Variants in TMEM40 observed in about 807,000 individuals in gnomAD.
TMEM40 encodes the protein transmembrane protein 40.
In TMEM40, 34 loss-of-function variants were observed where a neutral mutation model predicts 40.8. The ratio of observed to expected loss-of-function variants is 0.83; its 90% CI spans 0.63 to 1.11. The LOEUF is 1.11. Among genes scored for constraint, TMEM40 ranks in the 50% least tolerant of loss-of-function variants. The pLI is 0.00. For synonymous variants in TMEM40, 106 were observed against 107.0 expected (o/e 0.99, Z 0.06); for missense variants, 296 against 280.2 (o/e 1.06, Z -0.40).
intron 5 of TMEM40, among the ~76,000 whole-genome samples, chr3:12,740,622 C>T (rs1365599465): frequency 4.0e-5 from 6 of 151,300 alleles, no homozygotes; most frequent in African/African-American, 1.5e-4. Flanking sequence ...CTTTGGAAGG[C>T]CGAGGTGGGT....
chr3:12,767,293 C>G (rs2061598418), intron 1 of TMEM40, among the ~76,000 whole-genome samples: 1 of 151,840 alleles, frequency 6.6e-6, no homozygotes, highest in Admixed American at 6.6e-5. Flanking sequence ...TTCAATGGGT[C>G]AGAGGAATAA....
At chr3:12,761,413 T>A (rs2061567645), upstream of TMEM40, among the ~76,000 whole-genome samples, 1 of 152,158 alleles carries the variant, frequency 6.6e-6, no homozygotes, top group Non-Finnish European at 1.5e-5. Flanking sequence ...AAGACCGGCC[T>A]GGCCAACATG....
chr3:12,769,328 A>G (rs1198769042), exon 1 of TMEM40: 2 of 320,286 alleles, frequency 6.2e-6, no homozygotes, highest in Non-Finnish European at 1.3e-5. Context: ...AGCGGGCTGA[A>G]GGGCTCCTCA....
In TMEM40 at chr3:12,749,805, G is replaced by T. The variant is rs1306714694; in HGVS notation, c.28C>A (p.Pro10Thr). 2 of 1,614,056 alleles carry T rather than the reference G, an allele frequency of 1.2e-6. No homozygotes were observed. Among genetic ancestry groups the T allele is most frequent in the South Asian group, 2.2e-5 (2 of 91,062 alleles). The change falls in exon 2 of 12, where the codon CCT becomes ACT. Residue 10 changes from proline to threonine, a missense_variant. Pro to Thr is a conservative substitution (Grantham distance 38, BLOSUM62 -1). Transcript: ENST00000314124. Reference sequence around the variant, plus strand: ...CTGTGGACTTGACTGTTGTCCTGAGGCTGGGAGGAGGATGCTGAAGTCTCC... The same window carrying T: ...CTGTGGACTTGACTGTTGTCCTGAGTCTGGGAGGAGGATGCTGAAGTCTCC... METSASSSQ[P>T]QDNSQVHRET...
At chr3:12,744,721 T>C (rs76677329) in intron 3 of TMEM40, among the ~76,000 whole-genome samples, 5,782 of 152,224 alleles carry the variant, frequency 0.038, 366 homozygotes, top group African/African-American at 0.13. Context: ...GGTCTAGGAG[T>C]TTCTGGCTCC....
chr3:12,740,100 T>C (rs1414704958), intron 5 of TMEM40, among the ~76,000 whole-genome samples: 1 of 147,674 alleles, frequency 6.8e-6, no homozygotes, highest in Non-Finnish European at 1.5e-5. Flanking sequence ...TATTTATTTA[T>C]TTATTTATTT....
intron 1 of TMEM40, among the ~76,000 whole-genome samples, chr3:12,766,631 T>C (rs1244441334): frequency 6.6e-6 from 1 of 151,550 alleles, no homozygotes; most frequent in East Asian, 1.9e-4. Context: ...ATATAGCAGA[T>C]AGTAACCTTT....
At position 12,749,774 on chromosome 3, in the gene TMEM40, G is replaced by C; in HGVS notation, c.59C>G (p.Thr20Arg). 1.2e-6 allele frequency: 2 copies of C among 1,614,088 alleles called. No individual in the cohort carries two copies. The highest frequency in any genetic ancestry group is 2.2e-5 in the South Asian group (2 of 91,078). Residue 20 changes from threonine (T) to arginine (R), a missense_variant, in exon 2 of 12, where the codon ACA (threonine) becomes AGA (arginine). By Grantham distance (71) the Thr-to-Arg change is moderately conservative (BLOSUM62 -1). Coordinates refer to ENST00000314124, the MANE Select transcript of TMEM40 (RefSeq NM_018306.4). ...GGCAAACGTACAGTCTACATCTTCTGTTTCTCTGTGGACTTGACTGTTGTC... is the reference window on the plus strand; with the variant it reads ...GGCAAACGTACAGTCTACATCTTCTCTTTCTCTGTGGACTTGACTGTTGTC... ...PQDNSQVHRE[T>R]EDVDYGETDF...
At chr3:12,743,860 G>A (rs995108598) in intron 4 of TMEM40, 40 bp downstream of exon 4, 2 of 1,585,844 alleles carry the variant, frequency 1.3e-6, no homozygotes, top group South Asian at 2.2e-5. Flanking sequence ...TCAACGGTGA[G>A]CGAGTGGGCA....
intron 2 of TMEM40, among the ~76,000 whole-genome samples, chr3:12,749,144 C>T (rs1297540998): frequency 6.6e-6 from 1 of 152,092 alleles, no homozygotes; most frequent in Non-Finnish European, 1.5e-5. Context: ...CCTGCCTCAG[C>T]CTCCTGAGTA....
intron 5 of TMEM40, among the ~76,000 whole-genome samples, 163 bp downstream of exon 5, chr3:12,742,291 C>A (rs1254000445): frequency 6.6e-6 from 1 of 152,116 alleles, no homozygotes; most frequent in Non-Finnish European, 1.5e-5. Flanking sequence ...TCATGCCCGC[C>A]TCCCCACCTG....
rs1375742488 is a variant in TMEM40 at position 12,749,852 on chromosome 3, A to G, written c.-8-12T>C. On this transcript the variant is annotated splice_polypyrimidine_tract_variant and intron_variant, in intron 1 of 11. Coordinates refer to ENST00000314124, the MANE Select transcript of TMEM40 (RefSeq NM_018306.4). ...CTCCATGGCTTTTCCTGGAGGAATA[A>G]CAATAATCAGTAGTTAATATCACCT... The G allele has an allele frequency of 1.9e-6, 3 of 1,611,784 alleles. No homozygotes were observed. Among genetic ancestry groups the G allele is most frequent in the Non-Finnish European group, 2.5e-6 (3 of 1,178,768 alleles).
intron 5 of TMEM40, among the ~76,000 whole-genome samples, chr3:12,741,792 GGAAAGAAA>G (rs966899605): frequency 3.1e-4 from 47 of 150,506 alleles, no homozygotes; most frequent in Admixed American, 1.3e-3. Context: ...AAAGAAAGAA[GGAAAGAAA>G]GAAAGAAAGA....
At chr3:12,756,778 C>CCTTTCT (rs2061531377) in intron 1 of TMEM40, among the ~76,000 whole-genome samples, 1 of 150,432 alleles carries the variant, frequency 6.6e-6, no homozygotes, top group Non-Finnish European at 1.5e-5. Flanking sequence ...TACCCACCTC[C>CCTTTCT]CTCTCTCTCT....
chr3:12,751,346 A>G (rs2061474276), intron 1 of TMEM40, among the ~76,000 whole-genome samples: 1 of 149,794 alleles, frequency 6.7e-6, no homozygotes. Flanking sequence ...CAGTGGCATG[A>G]TCTCAGCTCA....
upstream of TMEM40, among the ~76,000 whole-genome samples, chr3:12,762,854 G>T (rs2061578470): frequency 6.6e-6 from 1 of 152,176 alleles, no homozygotes; most frequent in East Asian, 1.9e-4. Flanking sequence ...ACTGGGTGAT[G>T]TTTCCTGCCA....
chr3:12,745,946 G>A (rs1348455019), intron 3 of TMEM40, among the ~76,000 whole-genome samples: 1 of 149,814 alleles, frequency 6.7e-6, no homozygotes, highest in Non-Finnish European at 1.5e-5. Flanking sequence ...CACCCAGGTT[G>A]GAGTGCAGCG....
At chr3:12,746,442 C>T (rs569344520) in intron 3 of TMEM40, among the ~76,000 whole-genome samples, 10 of 152,070 alleles carry the variant, frequency 6.6e-5, no homozygotes, top group Non-Finnish European at 1.3e-4. Flanking sequence ...CTACAGTGTA[C>T]CTGTGTGTAA....
At chr3:12,741,977 A>C (rs2061386676) in intron 5 of TMEM40, among the ~76,000 whole-genome samples, 1 of 152,162 alleles carries the variant, frequency 6.6e-6, no homozygotes, top group South Asian at 2.1e-4. Context: ...CACGCCTGTA[A>C]TCCCAGCACT....
Sources: allele counts gnomAD v4.1 joint callset (sites outside exome capture counted in the v4.1 genomes callset), GRCh38; gene constraint gnomAD v4.1.1; transcripts MANE v1.5; gene names NCBI Gene and HGNC (gene_info 2026-07-23, HGNC 2026-07-21).